The following STARD9 variants were observed in gnomAD, a reference collection of about 807,000 sequenced individuals.
STARD9 encodes stAR-related lipid transfer protein 9.
A neutral mutation model predicts 399.8 loss-of-function variants in STARD9; 346 were observed. The ratio of observed to expected loss-of-function variants is 0.87; its 90% confidence interval spans 0.79 to 0.95. The LOEUF (loss-of-function observed/expected upper bound fraction) is 0.95. Among genes scored for constraint, STARD9 ranks in the 40% least tolerant of loss-of-function variants. The pLI, the probability that STARD9 is intolerant of heterozygous loss-of-function variation, is 0.00. For missense variants in STARD9, 5,832 were observed against 5,667.5 expected (o/e 1.03, Z -0.93); for synonymous variants, 2,203 against 2,143.5 (o/e 1.03, Z -0.77).
chr15:42,696,526 T>A (rs1208832933), intron 26 of STARD9, among the ~76,000 whole-genome samples: 4 of 152,214 alleles, frequency 2.6e-5, no homozygotes, highest in Non-Finnish European at 4.4e-5. Context: ...TCCATCTCAT[T>A]GTGTTACTTC....
Position 42,688,611 on chromosome 15 carries a change from A to G in STARD9, c.7033A>G (p.Arg2345Gly). 1 of 1,537,562 alleles carries G rather than the reference A, an allele frequency of 6.5e-7. No individual in the cohort carries two copies. ...LPLNSPRWPR[R>G]CLHVPVALGI... ...CTTGAATTCTCCAAGGTGGCCAAGA[A>G]GGTGTCTTCATGTACCTGTTGCTCT... The change falls in exon 23 of 33, where the codon AGG (arginine) becomes GGG (glycine). Residue 2345 changes from arginine (R) to glycine (G), a missense_variant. This residue lies in a region of STARD9 where 5,828 missense variants were observed against 5,651.1 expected (regional missense o/e 1.03). Coordinates refer to ENST00000290607, the MANE Select transcript of STARD9 (RefSeq NM_020759.3).
intron 3 of STARD9, among the ~76,000 whole-genome samples, chr15:42,588,963 T>C (rs2141686516): frequency 6.6e-6 from 1 of 151,866 alleles, no homozygotes; most frequent in Middle Eastern, 3.4e-3. Flanking sequence ...TACAAGCGTG[T>C]GCCACCATGC....
intron 7 of STARD9, among the ~76,000 whole-genome samples, chr15:42,641,465 A>G (rs542063173): frequency 7.8e-4 from 118 of 152,092 alleles, no homozygotes; most frequent in African/African-American, 2.8e-3. Flanking sequence ...TGCTGCACCC[A>G]TTAACTCTTC....
intron 3 of STARD9, among the ~76,000 whole-genome samples, chr15:42,617,579 C>T (rs1344271923): frequency 6.6e-6 from 1 of 152,072 alleles, no homozygotes; most frequent in East Asian, 1.9e-4. Context: ...ATATACACAG[C>T]TTTCAATGGG....
rs1280856888 is a variant in STARD9, at chr15:42,689,724, G to C, written c.8146G>C (p.Asp2716His). 5.9e-6 allele frequency: 9 copies of C among 1,537,844 alleles called. No individual in the cohort carries two copies. Among genetic ancestry groups the C allele is most frequent in the Non-Finnish European group, 7.8e-6 (9 of 1,147,040 alleles). ...TGCAACCAGAACACCTTCCTCAGCT[G>C]ATCCTTTGGCCCCAGACAGTCCTCG... ...KDATRTPSSA[D>H]PLAPDSPRSS... The change falls in exon 23 of 33, where the codon GAT (aspartate) becomes CAT (histidine). Residue 2716 changes from aspartate to histidine, a missense_variant. Physicochemically the swap from Asp to His is moderately conservative, Grantham distance 81. Transcript: ENST00000290607.
chr15:42,633,547 T>A (rs1385344205), intron 3 of STARD9, among the ~76,000 whole-genome samples: 2 of 152,104 alleles, frequency 1.3e-5, no homozygotes, highest in African/African-American at 4.8e-5. Flanking sequence ...GCATGGACAA[T>A]TTATTAACTA....
rs1361163729 is a variant in STARD9 at position 42,646,568 on chromosome 15, G to A, written c.560-4448G>A. 2.6e-5 allele frequency among the ~76,000 whole-genome samples: 4 copies of A among 152,292 alleles called. No individual in the cohort carries two copies. The East Asian group carries it at 5.8e-4, about 22-fold the overall frequency. ...TCTCTCAGCCTTCATAGCATTGAAG[G>A]GAATCAGGGCTTTGCTCTGGATTAG... On this transcript the variant is annotated intron_variant, in intron 7 of 32. Transcript: ENST00000290607.
rs548959502 is a variant in STARD9, at chr15:42,682,822, A to G, written c.2537+247A>G. On this transcript the variant is annotated intron_variant, in intron 22 of 32. Transcript: ENST00000290607. ...TAGCAATTCTTGCTTCTTTGGTAACATCTTAGGAGTAAGGATCTCGGCCTC... is the reference window on the plus strand; with the variant it reads ...TAGCAATTCTTGCTTCTTTGGTAACGTCTTAGGAGTAAGGATCTCGGCCTC... Among the ~76,000 whole-genome samples the G allele has an allele frequency of 1.2e-4, 18 of 152,134 alleles. 1 individual carries two copies. Among genetic ancestry groups the G allele is most frequent in the African/African-American group, 4.1e-4 (17 of 41,488 alleles).
At chr15:42,645,690 G>GC (rs1158270073) in intron 7 of STARD9, among the ~76,000 whole-genome samples, 2 of 151,686 alleles carry the variant, frequency 1.3e-5, no homozygotes, top group Non-Finnish European at 2.9e-5. Context: ...CCACCCATGC[G>GC]CTACCATACC....
chr15:42,718,412 C>A, intron 30 of STARD9, 23 bp from the exon 31 acceptor site: 1 of 1,530,872 alleles, frequency 6.5e-7, no homozygotes, highest in South Asian at 1.2e-5. Flanking sequence ...GCCTCCTGAC[C>A]TTCCTTATCC....
At position 42,688,939 on chromosome 15, in the gene STARD9, T is replaced by C. The variant is rs1396005218; in HGVS notation, c.7361T>C (p.Leu2454Pro). Residue 2454 changes from leucine (L) to proline (P), a missense_variant, in exon 23 of 33, where the codon CTG becomes CCG. Physicochemically the swap from Leu to Pro is moderately conservative, Grantham distance 98 (BLOSUM62 -3). Coordinates refer to ENST00000290607, the MANE Select transcript of STARD9 (RefSeq NM_020759.3). ...DHGKDLRITL[L>P]GFSTSEDFAS... is the part of the protein sequence containing the mutation. The stretch of plus-strand genomic sequence containing the variant: ...GGAAAGGACCTCAGAATCACCTTGC[T>C]GGGTTTCAGTACCAGTGAAGATTTT... 6.5e-7 allele frequency: 1 copy of C among 1,537,340 alleles called. No individual in the cohort carries two copies. The highest frequency in any genetic ancestry group is 8.7e-7 in the Non-Finnish European group (1 of 1,146,968).
chr15:42,612,836 TG>T (rs2058878694), intron 3 of STARD9, among the ~76,000 whole-genome samples: 1 of 151,928 alleles, frequency 6.6e-6, no homozygotes, highest in Non-Finnish European at 1.5e-5. Flanking sequence ...GTACAAAAAT[TG>T]GCAGGGTGTG....
intron 7 of STARD9, among the ~76,000 whole-genome samples, chr15:42,641,577 C>G (rs2059538745): frequency 6.8e-6 from 1 of 146,070 alleles, no homozygotes; most frequent in African/African-American, 2.6e-5. Flanking sequence ...TCTCATTGTT[C>G]AATTCACAGG....
Position 42,687,270 on chromosome 15 carries a change from TC to T in STARD9, c.5694del (p.Ser1899GlnfsTer29), listed in dbSNP as rs927158577. 6.5e-7 allele frequency: 1 copy of T among 1,536,740 alleles called. No homozygotes were observed. The highest frequency in any genetic ancestry group is 8.7e-7 in the Non-Finnish European group (1 of 1,146,876). On this transcript the variant is annotated frameshift_variant, in exon 23 of 33. Coordinates refer to ENST00000290607, the MANE Select transcript of STARD9 (RefSeq NM_020759.3). LOFTEE classifies it high-confidence loss of function. ...EVTAQSCCGA[S>X]SDSTESGKSL... ...CACTGCTCAGTCCTGTTGCGGTGCTTCCTCAGACAGCACTGAGTCTGGGAAG... is the reference window on the plus strand; with the variant it reads ...CACTGCTCAGTCCTGTTGCGGTGCTTCTCAGACAGCACTGAGTCTGGGAAG...
rs758886456 is a variant in STARD9, at chr15:42,633,145, T to TA, written c.235-1697dup. On this transcript the variant is annotated intron_variant, in intron 3 of 32. Coordinates refer to ENST00000290607, the MANE Select transcript of STARD9 (RefSeq NM_020759.3). Reference sequence around the variant, plus strand: ...GGACAGAGCAAGACCCTGTCTCAATTAAAAAAAAAAAAAAGAACAGGGAGT... The same window carrying TA: ...GGACAGAGCAAGACCCTGTCTCAATTAAAAAAAAAAAAAAAGAACAGGGAGT... 5.5e-3 allele frequency among the ~76,000 whole-genome samples: 762 copies of TA among 139,734 alleles called. 1 individual carries two copies. Among genetic ancestry groups the TA allele is most frequent in the African/African-American group, 0.013 (481 of 38,134 alleles). 91.7% of individuals were successfully genotyped at this position (139,734 alleles called of 152,430 possible).
At chr15:42,677,089 TA>T (rs869040683) in intron 20 of STARD9, among the ~76,000 whole-genome samples, 1,259 of 53,532 alleles carry the variant, frequency 0.024, 19 homozygotes, top group African/African-American at 0.086. Flanking sequence ...CGTCTCTACT[TA>T]AAAAAAAAAA....
intron 7 of STARD9, among the ~76,000 whole-genome samples, chr15:42,644,041 G>A (rs912689821): frequency 1.3e-5 from 2 of 152,140 alleles, no homozygotes; most frequent in African/African-American, 4.8e-5. Context: ...ATACAGACAT[G>A]CTTTGGATAT....
intron 20 of STARD9, among the ~76,000 whole-genome samples, chr15:42,680,678 C>T (rs961915714): frequency 7.9e-5 from 12 of 152,140 alleles, no homozygotes; most frequent in Admixed American, 2.6e-4. Flanking sequence ...TATCAACTTA[C>T]GGCTAATCTT....
intron 3 of STARD9, among the ~76,000 whole-genome samples, chr15:42,593,654 C>CTTTTTTTT (rs71108170): frequency 4.5e-5 from 3 of 66,918 alleles, no homozygotes; most frequent in African/African-American, 1.2e-4. Flanking sequence ...GGTTGTGCTT[C>CTTTTTTTT]TTTTTTTTTT....
Sources: gnomAD v4.1 joint callset for allele counts (sites outside exome capture counted in the v4.1 genomes callset) on GRCh38, gnomAD v4.1.1 for gene constraint, gnomAD v4.1.1 regional missense constraint, MANE v1.5 for transcripts, NCBI Gene and HGNC (gene_info 2026-07-23, HGNC 2026-07-21) for gene names.